The following IQSEC1 variants were observed in gnomAD, a reference collection of about 807,000 sequenced individuals.
The protein encoded by IQSEC1 is IQ motif and Sec7 domain ArfGEF 1, also known as IQ motif and SEC7 domain-containing protein 1.
In IQSEC1, 31 loss-of-function variants were observed where a neutral mutation model predicts 91.0. The ratio of observed to expected loss-of-function variants is 0.34; its 90% CI spans 0.26 to 0.46. The LOEUF is 0.46. Among genes scored for constraint, IQSEC1 ranks in the 20% least tolerant of loss-of-function variants. The pLI is 1.00. For synonymous variants in IQSEC1, 699 were observed against 662.6 expected (o/e 1.05, Z -0.84); for missense variants, 1,388 against 1,575.6 (o/e 0.88, Z 2.02).
chr3:12,913,531 C>T lies in IQSEC1; in HGVS notation c.2213G>A (p.Arg738Gln), dbSNP rs909321009. The T allele has an allele frequency of 3.1e-6, 5 of 1,605,804 alleles. No homozygotes were observed. The highest frequency in any genetic ancestry group is 1.3e-5 in the African/African-American group (1 of 74,808). ...LGCVLSLPHR[R>Q]LVCYCRLFEV... is the part of the protein sequence containing the mutation. Reference sequence around the variant, plus strand: ...AAAGAGCCGGCAGTAGCAGACCAACCGACGGTGGGGCAGAGAGAGCACCTG... The same window carrying T: ...AAAGAGCCGGCAGTAGCAGACCAACTGACGGTGGGGCAGAGAGAGCACCTG... Residue 738 changes from arginine (R) to glutamine (Q), a missense_variant, in exon 9 of 14, where the codon CGG (arginine) becomes CAG (glutamine). By Grantham distance (43) the Arg-to-Gln change is conservative (BLOSUM62 1). Transcript: ENST00000613206.
At chr3:13,065,458 C>T (rs975516149) in intron 1 of IQSEC1, among the ~76,000 whole-genome samples, 1 of 152,170 alleles carries the variant, frequency 6.6e-6, no homozygotes, top group African/African-American at 2.4e-5. Flanking sequence ...ACAACAAAGA[C>T]GTAACCATCC....
intron 2 of IQSEC1, among the ~76,000 whole-genome samples, chr3:13,132,883 T>C (rs1299775019): frequency 6.6e-6 from 1 of 152,240 alleles, no homozygotes. Flanking sequence ...TTTGCACTTG[T>C]ATCTCCCCCA....
Position 12,965,511 on chromosome 3 carries a change from T to C in IQSEC1, c.24-23646A>G, listed in dbSNP as rs567214654. On this transcript the variant is annotated intron_variant, in intron 1 of 13. Coordinates refer to ENST00000613206, the MANE Select transcript of IQSEC1 (RefSeq NM_001134382.3). The stretch of plus-strand genomic sequence containing the variant: ...ACCAGGTGCTCCAGAGCAAATGGGA[T>C]CCACCTGCTCTGAGGCTGATGCGTG... 2.4e-3 allele frequency among the ~76,000 whole-genome samples: 362 copies of C among 152,314 alleles called. 1 individual carries two copies. The highest frequency in any genetic ancestry group is 5.7e-3 in the Admixed American group (87 of 15,306).
chr3:12,921,156 A>G (rs1475816308), intron 5 of IQSEC1, among the ~76,000 whole-genome samples: 1 of 152,106 alleles, frequency 6.6e-6, no homozygotes, highest in African/African-American at 2.4e-5. Context: ...CTGCCACCCC[A>G]GGGGCCCCTC....
At chr3:13,143,576 C>T (rs963650080) in intron 2 of IQSEC1, among the ~76,000 whole-genome samples, 14 of 152,344 alleles carry the variant, frequency 9.2e-5, no homozygotes, top group African/African-American at 3.1e-4. Flanking sequence ...CTCGGCCTGA[C>T]CAATCAGCAG....
intron 2 of IQSEC1, among the ~76,000 whole-genome samples, chr3:13,124,675 C>A (rs149878330): frequency 6.6e-6 from 1 of 152,266 alleles, no homozygotes; most frequent in Non-Finnish European, 1.5e-5. Flanking sequence ...AGGGCACTGG[C>A]GGGACTGTCA....
At chr3:13,182,493 G>A (rs1240969582) in intron 1 of IQSEC1, among the ~76,000 whole-genome samples, 1 of 152,204 alleles carries the variant, frequency 6.6e-6, no homozygotes, top group East Asian at 1.9e-4. Context: ...GATTATACCA[G>A]TGGATAAACG....
intron 1 of IQSEC1, among the ~76,000 whole-genome samples, chr3:13,205,431 CATCTG>C (rs1694326213): frequency 6.6e-6 from 1 of 152,048 alleles, no homozygotes; most frequent in Non-Finnish European, 1.5e-5. Flanking sequence ...CTGTTAGTCC[CATCTG>C]AGATGCTTCC....
rs561505371 is a variant in IQSEC1, at chr3:13,246,960, G to A, written c.272+35751C>T. Reference sequence around the variant, plus strand: ...GAGCTGACCAGCAAATCCTGCCCCTGGAACGCTGGCCTGTTTGCCTCGGGT... The same window carrying A: ...GAGCTGACCAGCAAATCCTGCCCCTAGAACGCTGGCCTGTTTGCCTCGGGT... On this transcript the variant is annotated intron_variant, in intron 1 of 15. Transcript: ENST00000648114. Among the ~76,000 whole-genome samples, 7 of 152,276 alleles carry A rather than the reference G, an allele frequency of 4.6e-5. No individual in the cohort carries two copies. In the South Asian group the frequency reaches 1.2e-3, roughly 27 times the overall value.
At chr3:12,902,672 A>AAAAAAAAAAAAAAAAAAAAAAAAC in intron 13 of IQSEC1, 101 bp downstream of exon 13, 1 of 396,568 alleles carries the variant, frequency 2.5e-6, no homozygotes, top group Non-Finnish European at 4.4e-6. Context: ...AAAAAAACCA[A>AAAAAAAAAAAAAAAAAAAAAAAAC]AAAAAAAAAA....
At chr3:13,043,092 C>A (rs1704348520) in intron 1 of IQSEC1, among the ~76,000 whole-genome samples, 1 of 152,174 alleles carries the variant, frequency 6.6e-6, no homozygotes, top group African/African-American at 2.4e-5. Context: ...TTGATAAAAT[C>A]TAAAATGGAA....
chr3:13,232,842 A>G (rs1457759634), intron 1 of IQSEC1, among the ~76,000 whole-genome samples: 1 of 152,214 alleles, frequency 6.6e-6, no homozygotes, highest in Non-Finnish European at 1.5e-5. Context: ...CCCACACAAC[A>G]ATATGGATGA....
At chr3:12,913,851 G>A (rs552748010) in intron 8 of IQSEC1, among the ~76,000 whole-genome samples, 1 of 152,318 alleles carries the variant, frequency 6.6e-6, no homozygotes, top group Non-Finnish European at 1.5e-5. Flanking sequence ...GCAGGTACCA[G>A]GCTTCTTAAA....
At chr3:13,040,345 A>T (rs1704214330) in intron 1 of IQSEC1, among the ~76,000 whole-genome samples, 1 of 152,170 alleles carries the variant, frequency 6.6e-6, no homozygotes, top group African/African-American at 2.4e-5. Flanking sequence ...CTTAACATTC[A>T]TGAGTTGTTA....
intron 1 of IQSEC1, among the ~76,000 whole-genome samples, chr3:12,954,443 G>A (rs1235679743): frequency 6.6e-6 from 1 of 152,202 alleles, no homozygotes; most frequent in Non-Finnish European, 1.5e-5. Context: ...AGGCCCTGGG[G>A]CATGTGGATG....
intron 2 of IQSEC1, among the ~76,000 whole-genome samples, chr3:13,088,250 A>T (rs1705770111): frequency 6.6e-6 from 1 of 152,198 alleles, no homozygotes; most frequent in African/African-American, 2.4e-5. Flanking sequence ...GGAACAGATG[A>T]AAGTGGAGGG....
intron 1 of IQSEC1, among the ~76,000 whole-genome samples, chr3:12,948,830 G>A (rs1392984773): frequency 6.6e-6 from 1 of 152,202 alleles, no homozygotes; most frequent in African/African-American, 2.4e-5. Context: ...CCATCCCCAA[G>A]GGCATATGGG....
rs544214821 is a variant in IQSEC1 at position 13,008,716 on chromosome 3, G to A, written c.23+64276C>T. Among the ~76,000 whole-genome samples the A allele has an allele frequency of 2.6e-5, 4 of 152,272 alleles. No homozygotes were observed. The highest frequency in any genetic ancestry group is 1.3e-4 in the Admixed American group (2 of 15,296). ...CGCTGGTGTCCTCACTGCTTTGAGC[G>A]GTGCTGGGCACACAGTCAATATTAG... On this transcript the variant is annotated intron_variant, in intron 1 of 13. Transcript: ENST00000613206. This position sits in a 1 kb window ranked among gnomAD's most constrained non-coding sequence, Gnocchi z 4.1.
At chr3:13,227,734 C>A (rs1428027956) in intron 1 of IQSEC1, among the ~76,000 whole-genome samples, 1 of 152,180 alleles carries the variant, frequency 6.6e-6, no homozygotes, top group Non-Finnish European at 1.5e-5. Context: ...AAGGGGTCCA[C>A]CGTCATTCAC....
Sources: gnomAD v4.1 joint callset for allele counts (sites outside exome capture counted in the v4.1 genomes callset) on GRCh38, gnomAD v4.1.1 for gene constraint, Gnocchi (gnomAD v3.1) non-coding constraint, MANE v1.5 for transcripts, NCBI Gene and HGNC (gene_info 2026-07-23, HGNC 2026-07-21) for gene names.